The following CLYBL variants were observed in gnomAD, a reference collection of about 807,000 sequenced individuals.
CLYBL encodes the protein citramalyl-CoA lyase, mitochondrial.
In CLYBL, 31 loss-of-function variants were observed where a neutral mutation model predicts 38.9. The observed-to-expected ratio is 0.80, with a 90% CI of 0.60 to 1.08. The LOEUF is 1.08. Among genes scored for constraint, CLYBL ranks in the 50% least tolerant of loss-of-function variants. The pLI is 0.00. For synonymous variants in CLYBL, 171 were observed against 158.6 expected, an observed-to-expected ratio of 1.08 and a Z score of -0.59; for missense variants, 434 against 411.6, an observed-to-expected ratio of 1.05 and a Z score of -0.47.
chr13:99,896,700 A>G (rs560337596), downstream of CLYBL: 1 of 152,250 alleles, frequency 6.6e-6, no homozygotes, highest in African/African-American at 2.4e-5. Flanking sequence ...GAGGAAAATG[A>G]ACATTCCCTT....
At chr13:99,901,862 G>A (rs150670170), downstream of CLYBL, among the ~76,000 whole-genome samples, 4,703 of 152,156 alleles carry the variant, frequency 0.031, 220 homozygotes, top group African/African-American at 0.1. Flanking sequence ...GTTTCATCAT[G>A]TTGGCCAGGC....
chr13:99,624,409 T>A (rs2046841151), intron 1 of CLYBL, among the ~76,000 whole-genome samples: 1 of 152,148 alleles, frequency 6.6e-6, no homozygotes, highest in East Asian at 1.9e-4. Context: ...TATGCATGAG[T>A]GTGGGTGTAT....
chr13:99,885,042 A>G (rs760357849), intron 7 of CLYBL: 1 of 526,570 alleles, frequency 1.9e-6, no homozygotes, highest in Non-Finnish European at 3.9e-6. Context: ...GTCAGCGGTC[A>G]CAGAGCATCT....
intron 1 of CLYBL, among the ~76,000 whole-genome samples, chr13:99,650,029 C>T (rs1203301355): frequency 3.9e-5 from 6 of 151,940 alleles, no homozygotes; most frequent in East Asian, 1.9e-4. Flanking sequence ...TTTGGGAGGC[C>T]GAGGCGGGCG....
chr13:99,850,733 A>C (rs777450565), intron 2 of CLYBL, among the ~76,000 whole-genome samples: 39 of 152,250 alleles, frequency 2.6e-4, no homozygotes, highest in Non-Finnish European at 4.8e-4. Flanking sequence ...GCCAATGTTC[A>C]TAGCAGCATT....
chr13:99,852,970 G>A (rs1280435663), intron 2 of CLYBL, among the ~76,000 whole-genome samples: 1 of 152,164 alleles, frequency 6.6e-6, no homozygotes, highest in East Asian at 1.9e-4. Flanking sequence ...ACTCCTGCAT[G>A]CATATGAATG....
chr13:99,860,376 A>G lies in CLYBL; in HGVS notation c.438+1327A>G, dbSNP rs1169581750. 2.2e-4 allele frequency among the ~76,000 whole-genome samples: 33 copies of G among 152,140 alleles called. 1 individual carries two copies. Among genetic ancestry groups the G allele is most frequent in the Admixed American group, 2.2e-3 (33 of 15,270 alleles). ...TGCTGCTATACAGTTTCTTTTGGAC[A>G]GCTCTGTGTTGGATCCTTCTTGAAG... is the stretch of plus-strand genomic sequence containing the variant. On this transcript the variant is annotated intron_variant, in intron 3 of 8. Coordinates refer to ENST00000339105, the MANE Select transcript of CLYBL (RefSeq NM_206808.5).
chr13:99,666,556 A>G, intron 1 of CLYBL, among the ~76,000 whole-genome samples: 1 of 152,054 alleles, frequency 6.6e-6, no homozygotes, highest in Non-Finnish European at 1.5e-5. Context: ...CAGCCTACTG[A>G]AATGCTTCAG....
chr13:99,893,883 G>A (rs139890389), downstream of CLYBL: 5,309 of 152,564 alleles, frequency 0.035, 114 homozygotes, highest in South Asian at 0.054. Context: ...TGGACTGCTC[G>A]CCACGCCACT....
chr13:99,901,473 C>T (rs2052641336), downstream of CLYBL, among the ~76,000 whole-genome samples: 1 of 152,020 alleles, frequency 6.6e-6, no homozygotes, highest in Admixed American at 6.6e-5. Context: ...AGGACATTTA[C>T]GGTGTCCATT....
chr13:99,668,164 C>CGTGGG (rs887152426), intron 1 of CLYBL, among the ~76,000 whole-genome samples: 8 of 151,822 alleles, frequency 5.3e-5, no homozygotes, highest in African/African-American at 1.9e-4. Flanking sequence ...GTCCCAGCTA[C>CGTGGG]GTGGGAGGCT....
At chr13:99,842,972 AC>A (rs1185366343) in intron 2 of CLYBL, among the ~76,000 whole-genome samples, 1 of 152,056 alleles carries the variant, frequency 6.6e-6, no homozygotes, top group Non-Finnish European at 1.5e-5. Context: ...TTAACCACTT[AC>A]GTTATATGAT....
At chr13:99,841,382 A>C (rs12868144) in intron 2 of CLYBL, among the ~76,000 whole-genome samples, 1,972 of 143,550 alleles carry the variant, frequency 0.014, 60 homozygotes, top group East Asian at 0.077. Context: ...ACAGGAGAAA[A>C]ACACATACAT....
intron 2 of CLYBL, among the ~76,000 whole-genome samples, chr13:99,820,650 A>C (rs1011220484): frequency 4.6e-5 from 7 of 152,158 alleles, no homozygotes; most frequent in Admixed American, 3.3e-4. Flanking sequence ...TGGAGTAGTC[A>C]CTCTAACAAT....
At chr13:99,741,554 G>A (rs1303088507) in intron 1 of CLYBL, among the ~76,000 whole-genome samples, 1 of 151,824 alleles carries the variant, frequency 6.6e-6, no homozygotes, top group East Asian at 1.9e-4. Flanking sequence ...TCTTTTTTTT[G>A]GGGGGTGGGG....
chr13:99,608,659 G>T (rs967778419), intron 1 of CLYBL, among the ~76,000 whole-genome samples: 20 of 152,100 alleles, frequency 1.3e-4, no homozygotes, highest in Non-Finnish European at 4.4e-5. Flanking sequence ...GGTTAACTCA[G>T]TGCTCCTCAC....
At chr13:99,900,410 G>T (rs77375871), downstream of CLYBL, among the ~76,000 whole-genome samples, 2 of 152,110 alleles carry the variant, frequency 1.3e-5, no homozygotes, top group Non-Finnish European at 1.5e-5. Flanking sequence ...GCCTATGGAA[G>T]TTTCTCTCGG....
rs113469118 is a variant in CLYBL, at chr13:99,853,341, A to G, written c.250-5520A>G. On this transcript the variant is annotated intron_variant, in intron 2 of 8. Coordinates refer to ENST00000339105, the MANE Select transcript of CLYBL (RefSeq NM_206808.5). ...ATGAAAGCCAATTTAGCATTTCACT[A>G]TAAACCTGTGTTTTAATGTATGTTT... Among the ~76,000 whole-genome samples, 103 of 151,226 alleles carry G rather than the reference A, an allele frequency of 6.8e-4. 1 individual carries two copies. Among genetic ancestry groups the G allele is most frequent in the Admixed American group, 1.5e-3 (23 of 15,238 alleles).
chr13:99,878,518 A>C (rs2052108234), intron 7 of CLYBL, among the ~76,000 whole-genome samples: 1 of 152,248 alleles, frequency 6.6e-6, no homozygotes, highest in Non-Finnish European at 1.5e-5. Flanking sequence ...AAAAATCTTT[A>C]AAGAAGATTT....
Sources: gnomAD v4.1 joint callset for allele counts (sites outside exome capture counted in the v4.1 genomes callset) on GRCh38, gnomAD v4.1.1 for gene constraint, MANE v1.5 for transcripts, NCBI Gene and HGNC (gene_info 2026-07-23, HGNC 2026-07-21) for gene names.